TBC1D8: variants seen among roughly 807,000 people sequenced by gnomAD.
TBC1D8 encodes the protein BUB2-like protein 1.
Under a neutral mutation model 118.8 loss-of-function variants are expected in TBC1D8, and 65 were observed. The observed-to-expected ratio is 0.55, with a 90% CI of 0.45 to 0.67. The LOEUF (loss-of-function observed/expected upper bound fraction) is 0.67, where lower values mean the gene tolerates loss of function less well. Ranked by LOEUF, TBC1D8 falls within the 30% of genes least tolerant of loss-of-function variation. The pLI, the probability that TBC1D8 is intolerant of heterozygous loss-of-function variation, is 0.00. For synonymous variants in TBC1D8, 566 were observed against 595.8 expected (o/e 0.95, Z 0.73); for missense variants, 1,376 against 1,471.2 (o/e 0.94, Z 1.06).
Position 101,022,346 on chromosome 2 carries a change from G to A in TBC1D8, c.2696C>T (p.Thr899Met), listed in dbSNP as rs200848642. 512 of 1,612,374 alleles carry A rather than the reference G, an allele frequency of 3.2e-4. No homozygotes were observed. The highest frequency in any genetic ancestry group is 4.0e-4 in the Non-Finnish European group (477 of 1,179,562). The change falls in exon 16 of 20, where the codon ACG becomes ATG. Residue 899 changes from threonine (T) to methionine (M), a missense_variant. Coordinates refer to ENST00000409318, the MANE Select transcript of TBC1D8 (RefSeq NM_001330348.2). ...CATGTTGTCATCCAAGAGCCTGAAC[G>A]TCCTTTCGGCGAGGATCTCCGTGTG... is the stretch of plus-strand genomic sequence containing the variant. ...GAHTEILAER[T>M]FRLLDDNMDQ... is the part of the protein sequence containing the mutation.
In TBC1D8 at chr2:101,140,127, G is replaced by A. The variant is rs112534176; in HGVS notation, c.127+11000C>T. ...TTATTTTTATGCAATCGTTGCTACT[G>A]TTTTACAGGTTAATAAACTGAGACC... On this transcript the variant is annotated intron_variant, in intron 1 of 19. Coordinates refer to ENST00000409318, the MANE Select transcript of TBC1D8 (RefSeq NM_001330348.2). Among the ~76,000 whole-genome samples the A allele has an allele frequency of 8.7e-3, 1,326 of 152,220 alleles. 22 individuals are homozygous for A. Among genetic ancestry groups the A allele is most frequent in the African/African-American group, 0.03 (1,245 of 41,540 alleles).
chr2:101,031,884 A>C (rs987608485), intron 11 of TBC1D8, among the ~76,000 whole-genome samples: 2 of 150,100 alleles, frequency 1.3e-5, no homozygotes, highest in African/African-American at 4.9e-5. Flanking sequence ...GCATCCCCCC[A>C]GGCCCCCACC....
chr2:101,121,033 C>T (rs911947763), intron 1 of TBC1D8, among the ~76,000 whole-genome samples: 1 of 152,148 alleles, frequency 6.6e-6, no homozygotes, highest in African/African-American at 2.4e-5. Context: ...AAATACTGAA[C>T]TCACAAGTAG....
intron 2 of TBC1D8, among the ~76,000 whole-genome samples, chr2:101,088,806 C>T (rs528086376): frequency 6.6e-6 from 1 of 152,152 alleles, no homozygotes; most frequent in South Asian, 2.1e-4. Flanking sequence ...TCCTGGCTTC[C>T]AGTGATCCTC....
At chr2:101,128,212 G>A (rs555602537) in intron 1 of TBC1D8, among the ~76,000 whole-genome samples, 3 of 152,230 alleles carry the variant, frequency 2.0e-5, no homozygotes, top group African/African-American at 7.2e-5. Context: ...CCATATCTTA[G>A]TTATGAAAAA....
chr2:101,027,292 G>A, intron 15 of TBC1D8, 91 bp downstream of exon 15: 1 of 1,208,176 alleles, frequency 8.3e-7, no homozygotes, highest in Non-Finnish European at 1.2e-6. Context: ...GAGCCCTGCA[G>A]GCAGCTGCAT....
chr2:101,125,792 G>A (rs1354893863), intron 1 of TBC1D8, among the ~76,000 whole-genome samples: 1 of 152,210 alleles, frequency 6.6e-6, no homozygotes, highest in African/African-American at 2.4e-5. Flanking sequence ...TAATGCCAGA[G>A]TGAGGCAGGG....
chr2:101,100,180 C>T (rs780673096), intron 1 of TBC1D8, among the ~76,000 whole-genome samples: 10 of 152,246 alleles, frequency 6.6e-5, no homozygotes, highest in Non-Finnish European at 1.0e-4. Flanking sequence ...ATACAAAAAT[C>T]AATGTGCAAA....
At position 101,007,566 on chromosome 2, in the gene TBC1D8, A is replaced by T. The variant is rs915130003; in HGVS notation, c.*255T>A. 1.6e-5 allele frequency: 8 copies of T among 485,204 alleles called. No individual in the cohort carries two copies. Among genetic ancestry groups the T allele is most frequent in the Admixed American group, 3.6e-5 (1 of 27,456 alleles). The allele number at this position is 485,204 out of a possible 1,614,324, so 30.1% of individuals were successfully genotyped here. On this transcript the variant is annotated 3_prime_UTR_variant, in exon 20 of 20. Coordinates refer to ENST00000409318, the MANE Select transcript of TBC1D8 (RefSeq NM_001330348.2). Reference sequence around the variant, plus strand: ...CACTAGCATCACAGCAGAAGTGCCCATTTCAGCAAATCCGGTAAAAATTGT... The same window carrying T: ...CACTAGCATCACAGCAGAAGTGCCCTTTTCAGCAAATCCGGTAAAAATTGT...
intron 19 of TBC1D8, among the ~76,000 whole-genome samples, chr2:101,009,247 A>G (rs1350368233): frequency 2.0e-5 from 3 of 152,076 alleles, no homozygotes; most frequent in African/African-American, 7.2e-5. Flanking sequence ...TATTAAAAAT[A>G]CAAAAAAAAT....
At chr2:101,144,479 G>C (rs1573116542) in intron 1 of TBC1D8, among the ~76,000 whole-genome samples, 1 of 152,286 alleles carries the variant, frequency 6.6e-6, no homozygotes, top group East Asian at 1.9e-4. Context: ...GAGCAGAAGG[G>C]GGAAGAGAGG....
intron 2 of TBC1D8, among the ~76,000 whole-genome samples, chr2:101,059,888 G>A (rs528998569): frequency 2.0e-5 from 3 of 152,262 alleles, no homozygotes; most frequent in Non-Finnish European, 2.9e-5. Flanking sequence ...GCAGTGAGCC[G>A]AGATGGCATC....
chr2:101,041,753 G>A (rs766584703), intron 5 of TBC1D8, among the ~76,000 whole-genome samples: 22 of 152,028 alleles, frequency 1.4e-4, no homozygotes, highest in African/African-American at 4.4e-4. Context: ...GGCCAGGCAC[G>A]GTGGCTCATG....
At chr2:101,039,657 C>T (rs1020742913) in intron 6 of TBC1D8, among the ~76,000 whole-genome samples, 1 of 152,046 alleles carries the variant, frequency 6.6e-6, no homozygotes, top group African/African-American at 2.4e-5. Flanking sequence ...AAGAGAATTG[C>T]AGAATTTTAT....
intron 15 of TBC1D8, among the ~76,000 whole-genome samples, chr2:101,026,201 C>A (rs1553399968): frequency 6.6e-6 from 1 of 152,158 alleles, no homozygotes; most frequent in Non-Finnish European, 1.5e-5. Context: ...CTAAATAAAT[C>A]AAAGTCTTTT....
At chr2:101,122,177 T>C (rs952029158) in intron 1 of TBC1D8, among the ~76,000 whole-genome samples, 17 of 150,618 alleles carry the variant, frequency 1.1e-4, no homozygotes, top group East Asian at 2.0e-4. Context: ...GTTCAAGTGA[T>C]TCTCCTGCCT....
chr2:101,035,337 T>C (rs1323998355), intron 9 of TBC1D8, among the ~76,000 whole-genome samples: 1 of 152,058 alleles, frequency 6.6e-6, no homozygotes, highest in Non-Finnish European at 1.5e-5. Flanking sequence ...TCGCTCACAG[T>C]TGATATGGAG....
chr2:101,098,555 T>C (rs1256065469), intron 1 of TBC1D8, among the ~76,000 whole-genome samples: 1 of 152,126 alleles, frequency 6.6e-6, no homozygotes, highest in Non-Finnish European at 1.5e-5. Flanking sequence ...AAATCAACAG[T>C]GTATACATTC....
At chr2:101,150,526 T>A (rs1679510901) in intron 1 of TBC1D8, among the ~76,000 whole-genome samples, 1 of 152,242 alleles carries the variant, frequency 6.6e-6, no homozygotes. Flanking sequence ...TCATTCCTTG[T>A]AAGACACTGA....
Sources: gnomAD v4.1 joint callset for allele counts (sites outside exome capture counted in the v4.1 genomes callset) on GRCh38, gnomAD v4.1.1 for gene constraint, MANE v1.5 for transcripts, NCBI Gene and HGNC (gene_info 2026-07-23, HGNC 2026-07-21) for gene names.